Variants in CDH13 observed in about 807,000 individuals in gnomAD.
CDH13 encodes the protein cadherin 13.
In CDH13, 24 loss-of-function variants were observed where a neutral mutation model predicts 63.8. The ratio of observed to expected loss-of-function variants is 0.38; its 90% CI spans 0.27 to 0.53. The LOEUF (loss-of-function observed/expected upper bound fraction) is 0.53. Ranked by LOEUF, CDH13 falls within the 20% of genes least tolerant of loss-of-function variation. The probability of loss-of-function intolerance (pLI) is 0.85; values close to 1 mark genes in which losing one functional copy is unlikely to be tolerated. For missense variants in CDH13, 1,049 were observed against 903.1 expected (o/e 1.16, Z -2.07); for synonymous variants, 503 against 355.3 (o/e 1.42, Z -4.67).
At chr16:82,998,409 T>G (rs1912487234) in intron 2 of CDH13, among the ~76,000 whole-genome samples, 1 of 152,224 alleles carries the variant, frequency 6.6e-6, no homozygotes, top group South Asian at 2.1e-4. Flanking sequence ...TTTTCTATTT[T>G]GTTTTGTCCT....
At chr16:83,232,316 G>T (rs565052666) in intron 5 of CDH13, among the ~76,000 whole-genome samples, 229 of 148,984 alleles carry the variant, frequency 1.5e-3, no homozygotes, top group Non-Finnish European at 3.0e-3. Context: ...CTTGAGGTCA[G>T]GAGTTCAAGA....
At chr16:82,889,695 CAG>C (rs1212323104) in intron 2 of CDH13, among the ~76,000 whole-genome samples, 2 of 152,172 alleles carry the variant, frequency 1.3e-5, no homozygotes, top group Non-Finnish European at 2.9e-5. Flanking sequence ...TTACACATGA[CAG>C]AGTTGGCTCT....
chr16:83,496,200 A>C (rs959943854), intron 7 of CDH13, among the ~76,000 whole-genome samples: 2 of 151,930 alleles, frequency 1.3e-5, no homozygotes, highest in Non-Finnish European at 2.9e-5. Context: ...CCGCATCGCC[A>C]AGTCAATCCT....
intron 1 of CDH13, among the ~76,000 whole-genome samples, chr16:82,663,982 A>C (rs974710244): frequency 6.6e-6 from 1 of 151,862 alleles, no homozygotes; most frequent in Non-Finnish European, 1.5e-5. Context: ...GGCTCTCAGG[A>C]CTCTTTTGGC....
At chr16:83,244,449 C>A (rs1211731848) in intron 5 of CDH13, among the ~76,000 whole-genome samples, 2 of 152,116 alleles carry the variant, frequency 1.3e-5, no homozygotes, top group East Asian at 1.9e-4. Context: ...TGTATAGATG[C>A]CATCTTATCT....
At chr16:83,112,952 G>A (rs1941200772) in intron 3 of CDH13, among the ~76,000 whole-genome samples, 1 of 152,142 alleles carries the variant, frequency 6.6e-6, no homozygotes. Context: ...GAAAACATGT[G>A]GAACTCATGT....
chr16:82,720,610 A>G (rs960539687), intron 1 of CDH13, among the ~76,000 whole-genome samples: 2 of 152,050 alleles, frequency 1.3e-5, no homozygotes, highest in African/African-American at 4.8e-5. Context: ...GACCCGGGGA[A>G]AACCCACACA....
At chr16:83,317,125 C>A (rs1385851287) in intron 5 of CDH13, among the ~76,000 whole-genome samples, 2 of 152,222 alleles carry the variant, frequency 1.3e-5, no homozygotes, top group African/African-American at 2.4e-5. Flanking sequence ...AAACATCCTA[C>A]AATGCCCAGA....
intron 1 of CDH13, among the ~76,000 whole-genome samples, chr16:82,637,406 G>A (rs996710242): frequency 7.0e-6 from 1 of 143,644 alleles, no homozygotes; most frequent in Non-Finnish European, 1.5e-5. Flanking sequence ...CTCAGAAGCT[G>A]AGGTCTGTAC....
chr16:83,600,164 A>C (rs1214885841), intron 7 of CDH13, among the ~76,000 whole-genome samples: 2 of 152,246 alleles, frequency 1.3e-5, no homozygotes, highest in Non-Finnish European at 2.9e-5. Context: ...TGGCATCTCA[A>C]GCACCTTCGC....
Position 83,586,513 on chromosome 16 carries a change from G to A in CDH13, c.961-15941G>A, listed in dbSNP as rs1040620914. On this transcript the variant is annotated intron_variant, in intron 7 of 13. Coordinates refer to ENST00000567109, the MANE Select transcript of CDH13 (RefSeq NM_001257.5). ...TCCTGTCTGTCTGGGAGTCTGAGCC[G>A]AGAAGGGCAAGACCAAATGTTAAGT... 5.3e-5 allele frequency among the ~76,000 whole-genome samples: 8 copies of A among 152,318 alleles called. No homozygotes were observed. The South Asian group carries it at 1.5e-3, about 28-fold the overall frequency.
In CDH13 at chr16:83,697,010, C is replaced by T. The variant is rs1465315294; in HGVS notation, c.1538+18549C>T. ...TCTGGCAGTCTCTCCTCCAACCACA[C>T]GGCCTTTCTTCCTCAAACTTCTTTC... On this transcript the variant is annotated intron_variant, in intron 10 of 13. Transcript: ENST00000567109. 2.6e-5 allele frequency among the ~76,000 whole-genome samples: 4 copies of T among 152,322 alleles called. No homozygotes were observed. The South Asian group carries it at 8.3e-4, about 32-fold the overall frequency.
chr16:83,286,391 T>C (rs1369995147), intron 5 of CDH13, among the ~76,000 whole-genome samples: 1 of 152,170 alleles, frequency 6.6e-6, no homozygotes, highest in Non-Finnish European at 1.5e-5. Context: ...TGTGTAGAAT[T>C]TAAAAGGCAT....
At chr16:83,025,853 G>T (rs1290274253) in intron 2 of CDH13, among the ~76,000 whole-genome samples, 1 of 152,106 alleles carries the variant, frequency 6.6e-6, no homozygotes, top group Non-Finnish European at 1.5e-5. Flanking sequence ...CTGGTTCCTG[G>T]CTCTGTCTGC....
chr16:83,637,131 G>C (rs548087377), intron 8 of CDH13, among the ~76,000 whole-genome samples: 1 of 152,054 alleles, frequency 6.6e-6, no homozygotes, highest in Non-Finnish European at 1.5e-5. Context: ...TTTAAATACA[G>C]TTTGAACTCA....
chr16:83,411,776 A>G (rs146932176), intron 6 of CDH13, among the ~76,000 whole-genome samples: 154 of 152,302 alleles, frequency 1.0e-3, no homozygotes, highest in African/African-American at 3.1e-3. Context: ...GATGCCAGGA[A>G]GTAATATACA....
At position 83,217,505 on chromosome 16, in the gene CDH13, C is replaced by T. The variant is rs200102690; in HGVS notation, c.636+8C>T. ...GTAATCGCTGTTTATCAAGTGAGTACCCCTCTCCCATGCCCACCCTGTGCG... is the reference window on the plus strand; with the variant it reads ...GTAATCGCTGTTTATCAAGTGAGTATCCCTCTCCCATGCCCACCCTGTGCG... On this transcript the variant is annotated splice_region_variant and intron_variant, in intron 5 of 13. Coordinates refer to ENST00000567109, the MANE Select transcript of CDH13 (RefSeq NM_001257.5). 1.3e-3 allele frequency: 2,026 copies of T among 1,611,410 alleles called. 6 individuals carry two copies. The highest frequency in any genetic ancestry group is 9.8e-3 in the Middle Eastern group (59 of 5,992).
At chr16:83,334,658 G>A (rs1463543921) in intron 5 of CDH13, among the ~76,000 whole-genome samples, 3 of 152,090 alleles carry the variant, frequency 2.0e-5, no homozygotes, top group African/African-American at 7.2e-5. Flanking sequence ...TTACAGGCAT[G>A]AGCCACCATA....
chr16:83,108,836 C>G (rs1037576094), intron 3 of CDH13, among the ~76,000 whole-genome samples: 2 of 152,134 alleles, frequency 1.3e-5, no homozygotes, highest in Non-Finnish European at 2.9e-5. Context: ...CAGTAAATGA[C>G]TGATGGGAGC....
Sources: gnomAD v4.1 joint callset for allele counts (sites outside exome capture counted in the v4.1 genomes callset) on GRCh38, gnomAD v4.1.1 for gene constraint, MANE v1.5 for transcripts, NCBI Gene and HGNC (gene_info 2026-07-23, HGNC 2026-07-21) for gene names.